Variants in THSD7A observed in about 807,000 individuals in gnomAD.
THSD7A encodes thrombospondin type 1 domain containing 7A, also known as thrombospondin type-1 domain-containing protein 7A.
A neutral mutation model predicts 231.3 loss-of-function variants in THSD7A; 96 were observed. The ratio of observed to expected loss-of-function variants is 0.41; its 90% CI spans 0.35 to 0.49. The LOEUF (loss-of-function observed/expected upper bound fraction) is 0.49, where lower values mean the gene tolerates loss of function less well. Ranked by LOEUF, THSD7A falls within the 20% of genes least tolerant of loss-of-function variation. The probability of loss-of-function intolerance (pLI) is 0.05; values close to 1 mark genes in which losing one functional copy is unlikely to be tolerated. For synonymous variants in THSD7A, 940 were observed against 743.3 expected, an observed-to-expected ratio of 1.26 and a Z score of -4.30; for missense variants, 2,290 against 2,070.2, an observed-to-expected ratio of 1.11 and a Z score of -2.06.
intron 23 of THSD7A, among the ~76,000 whole-genome samples, chr7:11,392,801 G>A (rs1397986502): frequency 6.6e-6 from 1 of 152,234 alleles, no homozygotes; most frequent in Non-Finnish European, 1.5e-5. Flanking sequence ...CCACAGCTCT[G>A]CAAAGCCCTT....
Position 11,447,378 on chromosome 7 carries a change from C to G in THSD7A, c.2652G>C (p.Glu884Asp), listed in dbSNP as rs538186344. 6.2e-7 allele frequency: 1 copy of G among 1,606,216 alleles called. No homozygotes were observed. The highest frequency in any genetic ancestry group is 1.1e-5 in the South Asian group (1 of 90,066). ...GCACAGGGCCTGCATACTGTAGGCA[C>G]TCATGGATTCCAGCCTGTCCTCCAT... ...KQDGGQAGIH[E>D]CLQYAGPVPA... Residue 884 changes from glutamate (E) to aspartate (D), a missense_variant, in exon 12 of 28, where the codon GAG becomes GAC. Coordinates refer to ENST00000423059, the MANE Select transcript of THSD7A (RefSeq NM_015204.3).
At chr7:11,706,798 A>C (rs1053661915) in intron 1 of THSD7A, among the ~76,000 whole-genome samples, 16 of 150,542 alleles carry the variant, frequency 1.1e-4, no homozygotes, top group Non-Finnish European at 2.2e-4. Flanking sequence ...AAAATCATTA[A>C]AGTACATTTA....
At chr7:11,675,482 C>T (rs577685973) in intron 1 of THSD7A, among the ~76,000 whole-genome samples, 48 of 152,280 alleles carry the variant, frequency 3.2e-4, no homozygotes, top group Non-Finnish European at 5.0e-4. Context: ...TGGATCCCAC[C>T]GCCATGGAGC....
intron 1 of THSD7A, among the ~76,000 whole-genome samples, chr7:11,642,647 C>A (rs550569445): frequency 7.9e-5 from 12 of 152,166 alleles, no homozygotes; most frequent in African/African-American, 2.9e-4. Flanking sequence ...ACTCACAATA[C>A]AAATATTTTC....
intron 2 of THSD7A, among the ~76,000 whole-genome samples, chr7:11,627,687 A>G (rs1297750140): frequency 2.6e-5 from 4 of 152,144 alleles, no homozygotes; most frequent in African/African-American, 7.2e-5. Flanking sequence ...TTAATGAGGG[A>G]TGTTCAATGG....
At chr7:11,648,637 CGTGTGTGTGTGTGT>C (rs3031455) in intron 1 of THSD7A, among the ~76,000 whole-genome samples, 2 of 141,058 alleles carry the variant, frequency 1.4e-5, no homozygotes, top group Admixed American at 7.2e-5. Flanking sequence ...TATTTTGTGG[CGTGTGTGTGTGTGT>C]GTGTGTGTGT....
rs146973109 is a variant in THSD7A at position 11,479,823 on chromosome 7, T to A, written c.2017+1965A>T. On this transcript the variant is annotated intron_variant, in intron 7 of 27. Transcript: ENST00000423059. The stretch of plus-strand genomic sequence containing the variant: ...TATAAATGTTATTAACAGAGGTAAA[T>A]AGCAGCAGAGACAAATAGCATTGAC... 4.9e-3 allele frequency among the ~76,000 whole-genome samples: 748 copies of A among 152,182 alleles called. 21 individuals carry two copies. The highest frequency in any genetic ancestry group is 0.046 in the Admixed American group (697 of 15,270).
At chr7:11,483,351 G>A (rs761953247) in intron 6 of THSD7A, among the ~76,000 whole-genome samples, 24 of 152,130 alleles carry the variant, frequency 1.6e-4, no homozygotes, top group African/African-American at 2.4e-4. Flanking sequence ...ATGCACCTAC[G>A]TGTTAATAGC....
At chr7:11,462,342 T>C (rs1423424331) in intron 9 of THSD7A, among the ~76,000 whole-genome samples, 199 bp from the exon 10 acceptor site, 1 of 152,164 alleles carries the variant, frequency 6.6e-6, no homozygotes, top group African/African-American at 2.4e-5. Context: ...TATTTAAAAA[T>C]AGAGAAAATG....
At chr7:11,758,445 T>C (rs1226663521) in intron 1 of THSD7A, among the ~76,000 whole-genome samples, 3 of 152,076 alleles carry the variant, frequency 2.0e-5, no homozygotes, top group Non-Finnish European at 4.4e-5. Flanking sequence ...AAGTAAATGC[T>C]GAAATCTGCA....
intron 1 of THSD7A, chr7:11,820,527 T>A: frequency 1.3e-6 from 1 of 757,426 alleles, no homozygotes; most frequent in Non-Finnish European, 2.2e-6. Flanking sequence ...GTCCCACTCC[T>A]CTTACCGGTT....
intron 5 of THSD7A, among the ~76,000 whole-genome samples, chr7:11,542,045 C>A (rs1474261394): frequency 6.6e-6 from 1 of 152,152 alleles, no homozygotes; most frequent in Non-Finnish European, 1.5e-5. Flanking sequence ...GATGACCAGA[C>A]AAAAGTGCTA....
At chr7:11,805,179 C>T (rs2355097) in intron 1 of THSD7A, among the ~76,000 whole-genome samples, 70,001 of 151,904 alleles carry the variant, frequency 0.46, 18,167 homozygotes, top group Middle Eastern at 0.6. Flanking sequence ...CTACTGAAGC[C>T]TTCTTGAAGC....
chr7:11,777,973 C>A (rs1396049827), intron 1 of THSD7A, among the ~76,000 whole-genome samples: 2 of 141,188 alleles, frequency 1.4e-5, no homozygotes, highest in Non-Finnish European at 3.0e-5. Context: ...AACGGTGAAA[C>A]CCCGTCTCTA....
intron 2 of THSD7A, among the ~76,000 whole-genome samples, chr7:11,633,778 G>A (rs1210240320): frequency 6.6e-6 from 1 of 152,108 alleles, no homozygotes; most frequent in Non-Finnish European, 1.5e-5. Flanking sequence ...TTAAACATTT[G>A]AGCAGTAATT....
At chr7:11,605,246 T>A (rs1780696438) in intron 2 of THSD7A, among the ~76,000 whole-genome samples, 1 of 152,172 alleles carries the variant, frequency 6.6e-6, no homozygotes, top group Admixed American at 6.6e-5. Flanking sequence ...AAACATTTTT[T>A]AAACTTTTCT....
At chr7:11,788,353 C>T (rs963270561) in intron 1 of THSD7A, among the ~76,000 whole-genome samples, 3 of 152,008 alleles carry the variant, frequency 2.0e-5, no homozygotes, top group African/African-American at 7.2e-5. Flanking sequence ...CTAATCTTAG[C>T]TCGTATATGT....
In THSD7A at chr7:11,407,227, A is replaced by G; in HGVS notation, c.3916+79T>C. On this transcript the variant is annotated intron_variant, in intron 20 of 27. Coordinates refer to ENST00000423059, the MANE Select transcript of THSD7A (RefSeq NM_015204.3). Reference sequence around the variant, plus strand: ...ATCCAACCTTTCTGAAGATTATTTGATATGGGTTAAAGCAAGAGGGATATT... The same window carrying G: ...ATCCAACCTTTCTGAAGATTATTTGGTATGGGTTAAAGCAAGAGGGATATT... The G allele has an allele frequency of 2.8e-6, 4 of 1,433,592 alleles. No individual in the cohort carries two copies. In the South Asian group the frequency reaches 4.9e-5, roughly 18 times the overall value. The allele number at this position is 1,433,592 out of a possible 1,614,324, so 88.8% of individuals were successfully genotyped here.
intron 1 of THSD7A, among the ~76,000 whole-genome samples, chr7:11,767,754 C>T (rs1783074971): frequency 6.6e-6 from 1 of 152,052 alleles, no homozygotes; most frequent in Non-Finnish European, 1.5e-5. Context: ...GAATAAAGAA[C>T]ACCTCTCCTT....
Sources: gnomAD v4.1 joint callset for allele counts (sites outside exome capture counted in the v4.1 genomes callset) on GRCh38, gnomAD v4.1.1 for gene constraint, MANE v1.5 for transcripts, NCBI Gene and HGNC (gene_info 2026-07-23, HGNC 2026-07-21) for gene names.